ANXA8: variants seen among roughly 807,000 people sequenced by gnomAD.
The protein encoded by ANXA8 is VAC-beta.
Under a neutral mutation model 26.8 loss-of-function variants are expected in ANXA8, and 9 were observed. The ratio of observed to expected loss-of-function variants is 0.34; its 90% confidence interval spans 0.20 to 0.59. ANXA8 has a LOEUF of 0.59. Ranked by LOEUF, ANXA8 falls within the 20% of genes least tolerant of loss-of-function variation. ANXA8 has a pLI of 0.84. For synonymous variants in ANXA8, 39 were observed against 94.8 expected, an observed-to-expected ratio of 0.41 and a Z score of 3.42; for missense variants, 83 against 238.5, an observed-to-expected ratio of 0.35 and a Z score of 4.29.
the ANXA8 span, among the ~76,000 whole-genome samples, chr10:47,687,830 T>A: frequency 6.6e-6 from 1 of 151,956 alleles, no homozygotes; most frequent in African/African-American, 2.4e-5. Context: ...CCAGGCACGT[T>A]GGCTCACACC....
At chr10:47,525,304 G>T in the ANXA8 span, among the ~76,000 whole-genome samples, 1 of 135,006 alleles carries the variant, frequency 7.4e-6, no homozygotes. Flanking sequence ...TACTCAGGAG[G>T]CTGAGGCAGG....
the ANXA8 span, among the ~76,000 whole-genome samples, chr10:47,621,626 C>T: frequency 9.3e-6 from 1 of 107,744 alleles, no homozygotes. Flanking sequence ...TTTGTTCTAG[C>T]GGATTACTGT....
chr10:47,687,462 G>A, the ANXA8 span, among the ~76,000 whole-genome samples: 4 of 151,408 alleles, frequency 2.6e-5, no homozygotes, highest in South Asian at 2.1e-4. Flanking sequence ...ATGAAGTTTC[G>A]CCATGTTGGC....
the ANXA8 span, among the ~76,000 whole-genome samples, chr10:47,953,958 C>T: frequency 6.7e-6 from 1 of 149,782 alleles, no homozygotes; most frequent in Non-Finnish European, 1.5e-5. Flanking sequence ...TAAATTAATA[C>T]AGCCACTAGG....
the ANXA8 span, chr10:47,567,968 G>A: frequency 1.9e-5 from 13 of 690,408 alleles, no homozygotes; most frequent in Non-Finnish European, 2.9e-5. Flanking sequence ...CCGTTTGGGG[G>A]TGCTAAAGCT....
chr10:47,743,345 T>TATATATATAC, the ANXA8 span, among the ~76,000 whole-genome samples: 3 of 96,554 alleles, frequency 3.1e-5, no homozygotes, highest in Non-Finnish European at 4.2e-5. Context: ...TATATACATA[T>TATATATATAC]ATATATATAC....
chr10:47,659,821 A>ATGG, the ANXA8 span, among the ~76,000 whole-genome samples: 1 of 151,262 alleles, frequency 6.6e-6, no homozygotes, highest in Non-Finnish European at 1.5e-5. Context: ...CAGTGATGTG[A>ATGG]TCTCTGCTCA....
chr10:47,909,838 A>G, the ANXA8 span, among the ~76,000 whole-genome samples: 1 of 144,742 alleles, frequency 6.9e-6, no homozygotes, highest in Admixed American at 7.0e-5. Flanking sequence ...CTAATATATC[A>G]CCATATCAGG....
the ANXA8 span, among the ~76,000 whole-genome samples, chr10:47,969,224 C>T: frequency 6.6e-5 from 10 of 151,518 alleles, no homozygotes; most frequent in South Asian, 4.2e-4. Flanking sequence ...ACAGTTACAC[C>T]GACCTGACAA....
At chr10:47,561,841 A>G in the ANXA8 span, among the ~76,000 whole-genome samples, 318 of 150,936 alleles carry the variant, frequency 2.1e-3, 4 homozygotes, top group Middle Eastern at 3.4e-3. Flanking sequence ...AAACGATATG[A>G]AGAAACAAGT....
At chr10:47,572,275 C>A in the ANXA8 span, among the ~76,000 whole-genome samples, 2 of 146,210 alleles carry the variant, frequency 1.4e-5, no homozygotes, top group Admixed American at 6.9e-5. Context: ...TCTGCAGGAC[C>A]CTGATGTCTC....
chr10:47,733,245 T>TCTTTCTTTCTC, the ANXA8 span, among the ~76,000 whole-genome samples: 2 of 81,256 alleles, frequency 2.5e-5, no homozygotes, highest in African/African-American at 5.6e-5. Context: ...CTTTCTTTCT[T>TCTTTCTTTCTC]TCTTTCTTTC....
chr10:47,488,712 AATTTT>A (rs1355295108), upstream of ANXA8, among the ~76,000 whole-genome samples: 214 of 95,880 alleles, frequency 2.2e-3, 6 homozygotes, highest in African/African-American at 8.3e-3. Context: ...TTACATGTTA[AATTTT>A]TTTTTTTTTT....
chr10:47,672,939 C>T, the ANXA8 span, among the ~76,000 whole-genome samples: 1 of 151,458 alleles, frequency 6.6e-6, no homozygotes, highest in Non-Finnish European at 1.5e-5. Context: ...CTAAATGAAC[C>T]AAACTCCAGA....
At chr10:47,961,171 G>A in the ANXA8 span, among the ~76,000 whole-genome samples, 1 of 147,398 alleles carries the variant, frequency 6.8e-6, no homozygotes, top group Non-Finnish European at 1.5e-5. Flanking sequence ...GCTAAAATGT[G>A]TGGGCCTTGA....
chr10:47,520,885 T>C, the ANXA8 span, among the ~76,000 whole-genome samples: 1 of 131,444 alleles, frequency 7.6e-6, no homozygotes, highest in Non-Finnish European at 1.6e-5. Flanking sequence ...ATTTTGGCTT[T>C]GAGTTGTGTA....
the ANXA8 span, among the ~76,000 whole-genome samples, chr10:47,637,301 T>G: frequency 2.9e-4 from 42 of 146,578 alleles, no homozygotes; most frequent in Non-Finnish European, 4.5e-5. Flanking sequence ...TAGAAAACAT[T>G]TGCAGCAGAT....
chr10:47,694,333 T>C, the ANXA8 span, among the ~76,000 whole-genome samples: 1 of 151,382 alleles, frequency 6.6e-6, no homozygotes, highest in Non-Finnish European at 1.5e-5. Context: ...ACTTTTCTGT[T>C]GTCCTAATGA....
chr10:47,556,919 A>C, the ANXA8 span, among the ~76,000 whole-genome samples: 1 of 150,072 alleles, frequency 6.7e-6, no homozygotes, highest in African/African-American at 2.5e-5. Flanking sequence ...ATGAATTAAA[A>C]ATCTAAGATG....
Sources: gnomAD v4.1 joint callset for allele counts (sites outside exome capture counted in the v4.1 genomes callset) on GRCh38, gnomAD v4.1.1 for gene constraint, MANE v1.5 for transcripts, NCBI Gene and HGNC (gene_info 2026-07-23, HGNC 2026-07-21) for gene names.